KATNAL2: variants seen among roughly 807,000 people sequenced by gnomAD.
The protein encoded by KATNAL2 is katanin p60 ATPase-containing subunit A-like 2.
Under a neutral mutation model 76.3 loss-of-function variants are expected in KATNAL2, and 52 were observed. The ratio of observed to expected loss-of-function variants is 0.68; its 90% CI spans 0.55 to 0.86. The LOEUF (loss-of-function observed/expected upper bound fraction) is 0.86, where lower values mean the gene tolerates loss of function less well. KATNAL2 is among the 40% of genes least tolerant of loss of function. The pLI is 0.00. For synonymous variants in KATNAL2, 243 were observed against 244.2 expected (o/e 1.00, Z 0.05); for missense variants, 660 against 668.9 (o/e 0.99, Z 0.15).
chr18:47,069,364 A>G, intron 12 of KATNAL2, 81 bp downstream of exon 12: 1 of 1,360,934 alleles, frequency 7.3e-7, no homozygotes, highest in East Asian at 2.3e-5. Context: ...TCACTTCAGG[A>G]CTGGGGCACA....
rs1336246848 is a variant in KATNAL2, at chr18:47,033,822, G to C, written c.52-12635G>C. The C allele has an allele frequency of 3.1e-6, 5 of 1,614,098 alleles. No homozygotes were observed. The African/African-American group carries it at 5.3e-5, about 17-fold the overall frequency. On this transcript the variant is annotated intron_variant, in intron 3 of 17. Transcript: ENST00000683218. ...CTGGCTTTGCCTGGGAGGTCATGGA[G>C]TCAGAATCCGAAAGCGGATCGTAGT...
chr18:47,083,427 C>T (rs1405874866), intron 15 of KATNAL2, among the ~76,000 whole-genome samples: 3 of 152,190 alleles, frequency 2.0e-5, no homozygotes, highest in African/African-American at 7.2e-5. Context: ...CAGTTCTCAT[C>T]TATTGCATCG....
At position 46,946,861 on chromosome 18, in the gene KATNAL2, GCA is replaced by G; in HGVS notation, c.-9_-8del. 6.5e-7 allele frequency: 1 copy of G among 1,535,770 alleles called. No homozygotes were observed. Among genetic ancestry groups the G allele is most frequent in the South Asian group, 1.2e-5 (1 of 84,042 alleles). On this transcript the variant is annotated 5_prime_UTR_variant, in exon 3 of 18. Transcript: ENST00000683218. ...CTTTTCTCCCTTCTCTAGGGTCCTA[GCA>G]CAGTGTCTGATGGAGCTTTCCTACC... is the stretch of plus-strand genomic sequence containing the variant.
intron 1 of KATNAL2, among the ~76,000 whole-genome samples, chr18:46,922,562 G>A (rs1184858285): frequency 5.9e-5 from 9 of 152,068 alleles, no homozygotes; most frequent in Admixed American, 5.2e-4. Flanking sequence ...GGGAGGCTGA[G>A]GTGGGTGGAT....
intron 15 of KATNAL2, among the ~76,000 whole-genome samples, chr18:47,089,969 G>T (rs975709267): frequency 6.6e-6 from 1 of 152,074 alleles, no homozygotes; most frequent in African/African-American, 2.4e-5. Flanking sequence ...TGTATTTTTG[G>T]TAGAGCTGGG....
Position 47,069,229 on chromosome 18 carries a change from C to T in KATNAL2, c.835C>T (p.Leu279=), listed in dbSNP as rs200397515. 6.2e-7 allele frequency: 1 copy of T among 1,610,798 alleles called. No individual in the cohort carries two copies. The highest frequency in any genetic ancestry group is 8.5e-7 in the Non-Finnish European group (1 of 1,177,994). ...AVVYPIRYPQ[L]FTGILSPWKG... ...TTCCTTGTTTCCTTAGTATCCACAGCTATTTACAGGAATTCTTTCTCCCTG... is the reference window on the plus strand; with the variant it reads ...TTCCTTGTTTCCTTAGTATCCACAGTTATTTACAGGAATTCTTTCTCCCTG... Residue 279 remains leucine (L), a synonymous_variant, in exon 12 of 18, where the codon CTA becomes TTA. Coordinates refer to ENST00000683218, the MANE Select transcript of KATNAL2 (RefSeq NM_001387690.1).
intron 13 of KATNAL2, among the ~76,000 whole-genome samples, chr18:47,071,303 C>T (rs2061989997): frequency 6.6e-6 from 1 of 152,092 alleles, no homozygotes; most frequent in African/African-American, 2.4e-5. Context: ...CCTAGCTTCT[C>T]CCTGCCTTTC....
chr18:47,085,181 G>A (rs369335403), intron 15 of KATNAL2, among the ~76,000 whole-genome samples: 7 of 152,190 alleles, frequency 4.6e-5, no homozygotes, highest in East Asian at 3.8e-4. Flanking sequence ...TTGGCTCATG[G>A]AGAGTCCCCA....
At chr18:47,081,621 C>A (rs916373220) in intron 15 of KATNAL2, among the ~76,000 whole-genome samples, 2 of 152,156 alleles carry the variant, frequency 1.3e-5, no homozygotes, top group African/African-American at 2.4e-5. Flanking sequence ...GCTGCTGTGG[C>A]AGAAATGGAC....
chr18:47,079,930 T>C (rs979286842), intron 15 of KATNAL2, among the ~76,000 whole-genome samples: 1 of 152,178 alleles, frequency 6.6e-6, no homozygotes, highest in Non-Finnish European at 1.5e-5. Flanking sequence ...GATGCTAAGA[T>C]TGATCACCGG....
intron 3 of KATNAL2, among the ~76,000 whole-genome samples, chr18:46,965,769 C>T (rs1187724643): frequency 1.9e-4 from 26 of 138,318 alleles, no homozygotes; most frequent in Non-Finnish European, 3.5e-4. Context: ...ATCTTGCTCC[C>T]ACCGGTTGTT....
chr18:47,048,282 G>C (rs1455842228), intron 4 of KATNAL2, among the ~76,000 whole-genome samples: 1 of 152,124 alleles, frequency 6.6e-6, no homozygotes, highest in East Asian at 1.9e-4. Context: ...ATTAAATAAG[G>C]GAGCTACTGG....
chr18:47,098,967 C>A, intron 15 of KATNAL2: 1 of 317,138 alleles, frequency 3.2e-6, no homozygotes, highest in Admixed American at 4.6e-5. Flanking sequence ...TGAGAATGTG[C>A]TCTTTTCCTT....
chr18:47,046,908 G>A (rs1052058548), intron 4 of KATNAL2, among the ~76,000 whole-genome samples: 4 of 152,010 alleles, frequency 2.6e-5, no homozygotes, highest in African/African-American at 7.2e-5. Flanking sequence ...GTGCACCACC[G>A]ATTCCTCCTC....
At chr18:47,100,442 G>C (rs1039155366) in intron 17 of KATNAL2, 86 bp downstream of exon 17, 43 of 1,101,670 alleles carry the variant, frequency 3.9e-5, no homozygotes, top group Non-Finnish European at 5.8e-5. Flanking sequence ...GCCTGTTCTT[G>C]GTGCCGCTTT....
intron 6 of KATNAL2, among the ~76,000 whole-genome samples, chr18:47,056,619 G>T (rs1360007404): frequency 6.6e-6 from 1 of 152,190 alleles, no homozygotes; most frequent in Non-Finnish European, 1.5e-5. Flanking sequence ...ATGTTCAGAA[G>T]AATTTTACCA....
chr18:46,955,686 G>A (rs1297497124), intron 3 of KATNAL2, among the ~76,000 whole-genome samples: 1 of 152,006 alleles, frequency 6.6e-6, no homozygotes, highest in Non-Finnish European at 1.5e-5. Context: ...GGAGTAGCTG[G>A]GGCCACAGGC....
chr18:47,086,409 C>T (rs1167988346), intron 15 of KATNAL2, among the ~76,000 whole-genome samples: 1 of 152,032 alleles, frequency 6.6e-6, no homozygotes, highest in South Asian at 2.1e-4. Flanking sequence ...CTCTGCCTCC[C>T]GGGTTCAAGC....
intron 3 of KATNAL2, chr18:47,035,573 A>G (rs1366521513): frequency 5.2e-6 from 3 of 571,618 alleles, no homozygotes; most frequent in Non-Finnish European, 9.5e-6. Context: ...GCTGGGCCTT[A>G]TGTAGCCCAT....
Sources: gnomAD v4.1 joint callset for allele counts (sites outside exome capture counted in the v4.1 genomes callset) on GRCh38, gnomAD v4.1.1 for gene constraint, MANE v1.5 for transcripts, NCBI Gene and HGNC (gene_info 2026-07-23, HGNC 2026-07-21) for gene names.